Variants in CAPN9 observed in about 807,000 individuals in gnomAD.
The protein encoded by CAPN9 is calpain 9.
Under a neutral mutation model 92.8 loss-of-function variants are expected in CAPN9, and 81 were observed. The ratio of observed to expected loss-of-function variants is 0.87; its 90% CI spans 0.73 to 1.05. The LOEUF (loss-of-function observed/expected upper bound fraction) is 1.05. Ranked by LOEUF, CAPN9 falls within the 50% of genes least tolerant of loss-of-function variation. The pLI, the probability that CAPN9 is intolerant of heterozygous loss-of-function variation, is 0.00. For missense variants in CAPN9, 848 were observed against 866.2 expected, an observed-to-expected ratio of 0.98 and a Z score of 0.26; for synonymous variants, 304 against 328.0, an observed-to-expected ratio of 0.93 and a Z score of 0.79.
At chr1:230,780,905 G>T (rs1667174542) in intron 11 of CAPN9, among the ~76,000 whole-genome samples, 197 bp downstream of exon 11, 2 of 149,204 alleles carry the variant, frequency 1.3e-5, no homozygotes, top group East Asian at 2.0e-4. Flanking sequence ...CACTCTTGTT[G>T]CCCAGGCTGG....
chr1:230,772,609 G>T (rs1666461039), intron 7 of CAPN9, among the ~76,000 whole-genome samples: 2 of 152,164 alleles, frequency 1.3e-5, no homozygotes, highest in Non-Finnish European at 2.9e-5. Flanking sequence ...GAGCATGGTG[G>T]CTCATGCCTA....
At chr1:230,769,151 G>A (rs756435382) in intron 5 of CAPN9, 29 bp from the exon 6 acceptor site, 1 of 1,583,066 alleles carries the variant, frequency 6.3e-7, no homozygotes. Context: ...TTAGACGGTG[G>A]GTGTGACTCT....
intron 1 of CAPN9, among the ~76,000 whole-genome samples, chr1:230,754,933 A>G (rs1186130653): frequency 1.3e-5 from 2 of 152,198 alleles, no homozygotes; most frequent in Non-Finnish European, 2.9e-5. Context: ...TGGTACATGC[A>G]TTACTCAGCT....
chr1:230,792,644 A>T (rs1232092952), intron 16 of CAPN9, 150 bp downstream of exon 16: 1 of 776,498 alleles, frequency 1.3e-6, no homozygotes, highest in African/African-American at 1.7e-5. Flanking sequence ...TGCTATTCCG[A>T]TGCTTACGGG....
Position 230,755,442 on chromosome 1 carries a change from G to T in CAPN9, c.283+36G>T, listed in dbSNP as rs752654705. 3 of 1,539,484 alleles carry T rather than the reference G, an allele frequency of 1.9e-6. No homozygotes were observed. In the East Asian group the frequency reaches 7.1e-5, roughly 36 times the overall value. ...GTGGATGGAGCATGGCGAGAGGGAG[G>T]TTGAGTCACTGGGACAGGCAAGCAA... On this transcript the variant is annotated intron_variant, in intron 2 of 19. Transcript: ENST00000271971.
intron 6 of CAPN9, 47 bp downstream of exon 6, chr1:230,769,310 A>G: frequency 7.6e-7 from 1 of 1,315,724 alleles, no homozygotes; most frequent in South Asian, 1.2e-5. Flanking sequence ...GACATGTGAC[A>G]ATGCTAATCC....
At chr1:230,798,490 G>C (rs966303371) in intron 19 of CAPN9, among the ~76,000 whole-genome samples, 4 of 152,218 alleles carry the variant, frequency 2.6e-5, no homozygotes, top group African/African-American at 9.6e-5. Flanking sequence ...CTTGACTTGA[G>C]TGAGTGAGCA....
At chr1:230,781,602 C>T (rs1306804275) in intron 11 of CAPN9, among the ~76,000 whole-genome samples, 1 of 152,166 alleles carries the variant, frequency 6.6e-6, no homozygotes, top group Non-Finnish European at 1.5e-5. Flanking sequence ...CTCTGTGGCA[C>T]AGGGGGAAAA....
intron 1 of CAPN9, among the ~76,000 whole-genome samples, chr1:230,749,237 T>C (rs1284235373): frequency 6.6e-6 from 1 of 152,240 alleles, no homozygotes; most frequent in Non-Finnish European, 1.5e-5. Flanking sequence ...TCTCTGCATA[T>C]GGCCAATTGC....
intron 19 of CAPN9, among the ~76,000 whole-genome samples, chr1:230,798,950 T>G (rs1220473883): frequency 6.6e-6 from 1 of 152,234 alleles, no homozygotes; most frequent in Non-Finnish European, 1.5e-5. Context: ...GACATTCTCC[T>G]GCCCAAAGGC....
chr1:230,766,065 A>G (rs1000573101), intron 4 of CAPN9, among the ~76,000 whole-genome samples: 1 of 150,638 alleles, frequency 6.6e-6, no homozygotes, highest in Non-Finnish European at 1.5e-5. Context: ...TCTTCCTTCC[A>G]CTAACCAATA....
At chr1:230,793,349 T>C (rs1437153045) in intron 17 of CAPN9, among the ~76,000 whole-genome samples, 5 of 152,222 alleles carry the variant, frequency 3.3e-5, no homozygotes, top group Admixed American at 1.3e-4. Context: ...ACCCATGGTT[T>C]GGGGTCCGCA....
At chr1:230,752,218 A>G (rs1229441497) in intron 1 of CAPN9, among the ~76,000 whole-genome samples, 2 of 152,268 alleles carry the variant, frequency 1.3e-5, no homozygotes, top group East Asian at 3.9e-4. Context: ...GTGGGCCGTC[A>G]GCATACACAC....
At chr1:230,789,639 G>A (rs535588441) in intron 13 of CAPN9, among the ~76,000 whole-genome samples, 1 of 152,182 alleles carries the variant, frequency 6.6e-6, no homozygotes, top group African/African-American at 2.4e-5. Context: ...CAACTCCTAG[G>A]TCTTAAAAAT....
chr1:230,751,429 A>T (rs1664757171), intron 1 of CAPN9, among the ~76,000 whole-genome samples: 1 of 151,682 alleles, frequency 6.6e-6, no homozygotes, highest in Non-Finnish European at 1.5e-5. Flanking sequence ...AGAGAAAGAA[A>T]GAGAAAAAGA....
chr1:230,779,541 C>T (rs1434508719), intron 9 of CAPN9, among the ~76,000 whole-genome samples: 1 of 152,150 alleles, frequency 6.6e-6, no homozygotes, highest in Non-Finnish European at 1.5e-5. Flanking sequence ...TCTTTATAAT[C>T]ACAGGAGGGC....
chr1:230,749,640 A>G (rs1664640584), intron 1 of CAPN9, among the ~76,000 whole-genome samples: 1 of 152,196 alleles, frequency 6.6e-6, no homozygotes, highest in Admixed American at 6.5e-5. Flanking sequence ...AGGGTTTCAT[A>G]CAGATGCTCA....
intron 1 of CAPN9, 52 bp downstream of exon 1, chr1:230,747,761 C>G (rs770195766): frequency 6.5e-7 from 1 of 1,530,134 alleles, no homozygotes; most frequent in Non-Finnish European, 9.0e-7. Context: ...GGTTCAGCAG[C>G]CCCCGCAGGA....
chr1:230,758,954 A>G (rs932466852), intron 2 of CAPN9, among the ~76,000 whole-genome samples: 16 of 152,224 alleles, frequency 1.1e-4, no homozygotes, highest in African/African-American at 3.9e-4. Context: ...TTTCCTCCAG[A>G]TGTGTGTTAA....
Sources: allele counts gnomAD v4.1 joint callset (sites outside exome capture counted in the v4.1 genomes callset), GRCh38; gene constraint gnomAD v4.1.1; transcripts MANE v1.5; gene names NCBI Gene and HGNC (gene_info 2026-07-23, HGNC 2026-07-21).